The following CTNND2 variants were observed in gnomAD, a reference collection of about 807,000 sequenced individuals.
CTNND2 encodes the protein catenin delta-2.
In CTNND2, 22 loss-of-function variants were observed where a neutral mutation model predicts 144.4. The ratio of observed to expected loss-of-function variants is 0.15; its 90% CI spans 0.11 to 0.22. The LOEUF is 0.22. Ranked by LOEUF, CTNND2 falls within the 10% of genes least tolerant of loss-of-function variation. The probability of loss-of-function intolerance (pLI) is 1.00; values close to 1 mark genes in which losing one functional copy is unlikely to be tolerated. For synonymous variants in CTNND2, 751 were observed against 695.6 expected (o/e 1.08, Z -1.25); for missense variants, 1,353 against 1,618.8 (o/e 0.84, Z 2.82).
At chr5:11,683,598 A>G (rs1015453638) in intron 2 of CTNND2, among the ~76,000 whole-genome samples, 1 of 152,348 alleles carries the variant, frequency 6.6e-6, no homozygotes, top group African/African-American at 2.4e-5. Flanking sequence ...AATAATTAGT[A>G]TTCTTCATTT....
intron 1 of CTNND2, among the ~76,000 whole-genome samples, chr5:11,898,738 T>C (rs1211141234): frequency 6.6e-6 from 1 of 152,226 alleles, no homozygotes; most frequent in Admixed American, 6.5e-5. Context: ...TCATAACATG[T>C]ATTTTGCTCT....
At chr5:11,050,669 T>C (rs890640520) in intron 16 of CTNND2, among the ~76,000 whole-genome samples, 13 of 152,150 alleles carry the variant, frequency 8.5e-5, no homozygotes, top group Non-Finnish European at 1.8e-4. Context: ...ACTCCTTACC[T>C]GTAATAAGCA....
chr5:11,411,463 A>G, intron 5 of CTNND2, 73 bp downstream of exon 5: 1 of 783,252 alleles, frequency 1.3e-6, no homozygotes, highest in Non-Finnish European at 2.2e-6. Context: ...TCATAACAGT[A>G]ATGATATTAG....
chr5:11,250,487 C>A (rs796930076), intron 9 of CTNND2, among the ~76,000 whole-genome samples: 7,728 of 65,516 alleles, frequency 0.12, 328 homozygotes, highest in African/African-American at 0.21. Context: ...CTCTCTCTCT[C>A]TCTCTATATA....
intron 16 of CTNND2, among the ~76,000 whole-genome samples, chr5:11,033,627 G>A (rs868544099): frequency 2.0e-5 from 3 of 152,100 alleles, no homozygotes; most frequent in African/African-American, 7.2e-5. Context: ...TCAGGAGTTC[G>A]AGACCAGCTT....
At chr5:11,334,666 G>A (rs773614129) in intron 9 of CTNND2, among the ~76,000 whole-genome samples, 2 of 152,136 alleles carry the variant, frequency 1.3e-5, no homozygotes, top group African/African-American at 2.4e-5. Flanking sequence ...TTCAAAGATG[G>A]GGGAGCCACC....
intron 2 of CTNND2, among the ~76,000 whole-genome samples, chr5:11,637,372 G>A (rs1004850574): frequency 6.6e-6 from 1 of 152,166 alleles, no homozygotes; most frequent in African/African-American, 2.4e-5. Flanking sequence ...AATGCCAGTT[G>A]AGAAGTTGGC....
At chr5:11,446,057 C>T (rs1173452011) in intron 3 of CTNND2, among the ~76,000 whole-genome samples, 5 of 152,136 alleles carry the variant, frequency 3.3e-5, no homozygotes, top group African/African-American at 1.2e-4. Flanking sequence ...CTGCAGCCTT[C>T]GCCTCCAGGG....
chr5:11,755,839 T>C (rs1464667810), intron 1 of CTNND2, among the ~76,000 whole-genome samples: 1 of 151,664 alleles, frequency 6.6e-6, no homozygotes, highest in Non-Finnish European at 1.5e-5. Flanking sequence ...TGTATCATTT[T>C]ATTTTATTCC....
At chr5:11,597,277 G>A (rs1045606482) in intron 2 of CTNND2, among the ~76,000 whole-genome samples, 3 of 152,092 alleles carry the variant, frequency 2.0e-5, no homozygotes, top group African/African-American at 4.8e-5. Context: ...GCTTAAGTTC[G>A]TTCTAGAACT....
intron 3 of CTNND2, among the ~76,000 whole-genome samples, chr5:11,486,586 GAC>G (rs917027691): frequency 2.6e-5 from 4 of 152,092 alleles, no homozygotes; most frequent in Non-Finnish European, 4.4e-5. Context: ...TGGAGGGAGA[GAC>G]AGGGGAAGGA....
intron 6 of CTNND2, among the ~76,000 whole-genome samples, chr5:11,386,324 G>A (rs1273501914): frequency 6.6e-6 from 1 of 152,156 alleles, no homozygotes; most frequent in African/African-American, 2.4e-5. Flanking sequence ...GGTGGGTGGG[G>A]AGGAGGACTC....
intron 9 of CTNND2, among the ~76,000 whole-genome samples, chr5:11,281,296 C>T (rs558028473): frequency 3.3e-5 from 5 of 152,220 alleles, no homozygotes; most frequent in African/African-American, 1.2e-4. Context: ...GGGGGAGCTA[C>T]GTTTCTGGAA....
chr5:11,831,581 T>C, intron 1 of CTNND2, among the ~76,000 whole-genome samples: 1 of 150,320 alleles, frequency 6.7e-6, no homozygotes, highest in South Asian at 2.1e-4. Flanking sequence ...GGCAGGAGAA[T>C]GGCGTGAACC....
chr5:11,231,810 T>C (rs1741052425), intron 10 of CTNND2, among the ~76,000 whole-genome samples: 1 of 152,202 alleles, frequency 6.6e-6, no homozygotes, highest in Non-Finnish European at 1.5e-5. Flanking sequence ...CCAGGGCATG[T>C]CATAGACCTT....
At chr5:11,716,076 C>G (rs772270144) in intron 2 of CTNND2, among the ~76,000 whole-genome samples, 3 of 152,180 alleles carry the variant, frequency 2.0e-5, no homozygotes, top group Admixed American at 1.3e-4. Flanking sequence ...CATTCTGGGG[C>G]CACCAATCCT....
intron 16 of CTNND2, chr5:11,027,127 T>C (rs561666332): frequency 2.0e-5 from 3 of 152,306 alleles, no homozygotes; most frequent in African/African-American, 7.2e-5. Context: ...TACCTTGCCT[T>C]GCTTCTATTT....
intron 3 of CTNND2, among the ~76,000 whole-genome samples, chr5:11,499,267 A>G (rs938664726): frequency 1.3e-4 from 20 of 152,178 alleles, no homozygotes; most frequent in South Asian, 4.1e-4. Flanking sequence ...ATACCAGTTC[A>G]CGATCCTCTG....
intron 3 of CTNND2, among the ~76,000 whole-genome samples, chr5:11,460,992 T>C (rs1443523076): frequency 1.3e-5 from 2 of 151,652 alleles, no homozygotes; most frequent in Admixed American, 6.6e-5. Context: ...GAGGTTGCAG[T>C]GAGCCGAGAT....
Sources: gnomAD v4.1 joint callset for allele counts (sites outside exome capture counted in the v4.1 genomes callset) on GRCh38, gnomAD v4.1.1 for gene constraint, MANE v1.5 for transcripts, NCBI Gene and HGNC (gene_info 2026-07-23, HGNC 2026-07-21) for gene names.